The following PDE8A variants were observed in gnomAD, a reference collection of about 807,000 sequenced individuals.
The protein encoded by PDE8A is phosphodiesterase 8A, also known as high affinity cAMP-specific and IBMX-insensitive 3',5'-cyclic phosphodiesterase 8A.
PDE8A carries 59 observed loss-of-function variants against 105.0 expected under a neutral mutation model. The ratio of observed to expected loss-of-function variants is 0.56; its 90% CI spans 0.46 to 0.70. PDE8A has a LOEUF of 0.70. PDE8A is among the 30% of genes least tolerant of loss of function. The probability of loss-of-function intolerance (pLI) is 0.00; values close to 1 mark genes in which losing one functional copy is unlikely to be tolerated. For missense variants in PDE8A, 1,014 were observed against 1,045.9 expected, an observed-to-expected ratio of 0.97 and a Z score of 0.42; for synonymous variants, 355 against 371.9, an observed-to-expected ratio of 0.95 and a Z score of 0.52.
At chr15:85,070,490 G>C (rs2081295091) in intron 3 of PDE8A, among the ~76,000 whole-genome samples, 1 of 152,190 alleles carries the variant, frequency 6.6e-6, no homozygotes, top group African/African-American at 2.4e-5. Context: ...TTTACGCAGA[G>C]TGTTGTGGGT....
chr15:85,074,323 G>A (rs2081352958), intron 3 of PDE8A, among the ~76,000 whole-genome samples: 1 of 152,204 alleles, frequency 6.6e-6, no homozygotes, highest in South Asian at 2.1e-4. Context: ...GTAGAGTTGA[G>A]TAGTTGTGAC....
intron 1 of PDE8A, among the ~76,000 whole-genome samples, chr15:85,036,059 G>A (rs1347114948): frequency 2.0e-5 from 3 of 152,174 alleles, no homozygotes; most frequent in Non-Finnish European, 2.9e-5. Flanking sequence ...AGAAGTTATG[G>A]AACTGGATTG....
At chr15:85,075,120 T>G (rs1157971460) in intron 3 of PDE8A, among the ~76,000 whole-genome samples, 1 of 152,232 alleles carries the variant, frequency 6.6e-6, no homozygotes, top group African/African-American at 2.4e-5. Context: ...TTTTACTCTA[T>G]GTCACATTTA....
At chr15:85,039,384 G>A (rs1409218451) in intron 1 of PDE8A, among the ~76,000 whole-genome samples, 1 of 151,472 alleles carries the variant, frequency 6.6e-6, no homozygotes, top group Non-Finnish European at 1.5e-5. Flanking sequence ...AGCTGTGATC[G>A]CACCACTGTC....
intron 1 of PDE8A, among the ~76,000 whole-genome samples, chr15:85,022,870 G>C (rs1192439559): frequency 1.3e-5 from 2 of 152,042 alleles, no homozygotes; most frequent in East Asian, 3.9e-4. Context: ...TATCTAATGG[G>C]ATCAAGAGAA....
intron 3 of PDE8A, among the ~76,000 whole-genome samples, chr15:85,070,651 C>G (rs763116058): frequency 6.6e-6 from 1 of 152,128 alleles, no homozygotes; most frequent in Non-Finnish European, 1.5e-5. Context: ...CACCTCTGCT[C>G]AGTGCTAGAT....
At chr15:84,986,979 A>AT (rs1353688016) in intron 1 of PDE8A, among the ~76,000 whole-genome samples, 8 of 152,006 alleles carry the variant, frequency 5.3e-5, no homozygotes, top group African/African-American at 1.9e-4. Flanking sequence ...GACCTGACTG[A>AT]TTTTTTTCCT....
chr15:84,997,717 C>G (rs763391557), intron 1 of PDE8A, among the ~76,000 whole-genome samples: 1 of 151,740 alleles, frequency 6.6e-6, no homozygotes, highest in Admixed American at 6.6e-5. Context: ...CTCAGCCTTC[C>G]GAGTAACTGG....
At chr15:85,119,750 G>GA (rs2141618846) in intron 17 of PDE8A, among the ~76,000 whole-genome samples, 1 of 151,894 alleles carries the variant, frequency 6.6e-6, no homozygotes, top group East Asian at 1.9e-4. Flanking sequence ...CAACAAATGA[G>GA]AAAATATTCT....
chr15:85,087,042 CT>C (rs34212320), intron 6 of PDE8A, among the ~76,000 whole-genome samples: 40,584 of 133,272 alleles, frequency 0.3, 5,684 homozygotes, highest in East Asian at 0.43. Context: ...ATGTTTTTTG[CT>C]TTTTTTTTTT....
intron 1 of PDE8A, among the ~76,000 whole-genome samples, chr15:85,009,633 C>G (rs952819272): frequency 5.9e-5 from 9 of 152,198 alleles, no homozygotes; most frequent in Non-Finnish European, 1.2e-4. Context: ...GTTATCTTGT[C>G]TGTTATGACA....
At chr15:85,109,882 T>C (rs2081996991) in intron 12 of PDE8A, among the ~76,000 whole-genome samples, 1 of 152,200 alleles carries the variant, frequency 6.6e-6, no homozygotes, top group Non-Finnish European at 1.5e-5. Flanking sequence ...ACCCCTGCTT[T>C]GAGGGCAGGA....
intron 1 of PDE8A, among the ~76,000 whole-genome samples, chr15:84,987,525 G>A (rs1257217378): frequency 6.9e-6 from 1 of 144,292 alleles, no homozygotes; most frequent in Non-Finnish European, 1.5e-5. Flanking sequence ...AGGCTGGAGT[G>A]TAATGGTGCG....
intron 1 of PDE8A, among the ~76,000 whole-genome samples, chr15:85,052,019 G>A (rs1418635774): frequency 6.7e-6 from 1 of 149,032 alleles, no homozygotes; most frequent in African/African-American, 2.5e-5. Flanking sequence ...TCCTCACCCT[G>A]TGTCCAAGTG....
chr15:85,113,847 T>A, intron 13 of PDE8A, 26 bp from the exon 14 acceptor site: 1 of 1,580,734 alleles, frequency 6.3e-7, no homozygotes, highest in East Asian at 2.2e-5. Context: ...GTTATGAAAC[T>A]CAAGTATTTT....
intron 1 of PDE8A, among the ~76,000 whole-genome samples, chr15:85,009,621 A>C (rs1027066867): frequency 1.3e-5 from 2 of 152,248 alleles, no homozygotes; most frequent in Admixed American, 1.3e-4. Flanking sequence ...GGACTGTGGT[A>C]GGTTATCTTG....
chr15:85,013,351 T>A (rs2080271709), intron 1 of PDE8A, among the ~76,000 whole-genome samples: 1 of 152,128 alleles, frequency 6.6e-6, no homozygotes, highest in Non-Finnish European at 1.5e-5. Flanking sequence ...TGAGCATCAC[T>A]TTTCTTATCT....
chr15:85,116,364 G>A (rs2082097823), intron 16 of PDE8A: 1 of 485,148 alleles, frequency 2.1e-6, no homozygotes, highest in Non-Finnish European at 3.7e-6. Flanking sequence ...AGTAGCACAG[G>A]ACTTTTTTCT....
chr15:85,088,487 C>T (rs2081589847), intron 6 of PDE8A, among the ~76,000 whole-genome samples: 1 of 152,122 alleles, frequency 6.6e-6, no homozygotes, highest in African/African-American at 2.4e-5. Context: ...ATGGATATAC[C>T]ACATTTTGTT....
Sources: gnomAD v4.1 joint callset for allele counts (sites outside exome capture counted in the v4.1 genomes callset) on GRCh38, gnomAD v4.1.1 for gene constraint, MANE v1.5 for transcripts, NCBI Gene and HGNC (gene_info 2026-07-23, HGNC 2026-07-21) for gene names.